CD109: variants seen among roughly 807,000 people sequenced by gnomAD.
CD109 encodes the protein CD109 molecule.
Under a neutral mutation model 165.8 loss-of-function variants are expected in CD109, and 149 were observed. The ratio of observed to expected loss-of-function variants is 0.90; its 90% CI spans 0.79 to 1.03. The LOEUF (loss-of-function observed/expected upper bound fraction) is 1.03. CD109 is among the 50% of genes least tolerant of loss of function. The probability of loss-of-function intolerance (pLI) is 0.00; values close to 1 mark genes in which losing one functional copy is unlikely to be tolerated. For missense variants in CD109, 1,712 were observed against 1,677.8 expected, an observed-to-expected ratio of 1.02 and a Z score of -0.36; for synonymous variants, 585 against 592.1, an observed-to-expected ratio of 0.99 and a Z score of 0.18.
chr6:73,737,602 TACTTATA>T (rs1258569223), intron 5 of CD109, among the ~76,000 whole-genome samples: 1 of 152,248 alleles, frequency 6.6e-6, no homozygotes, highest in African/African-American at 2.4e-5. Flanking sequence ...CTTATTTCCT[TACTTATA>T]ACAGTGTAAT....
chr6:73,744,449 T>C (rs946532767), intron 5 of CD109, among the ~76,000 whole-genome samples: 3 of 152,230 alleles, frequency 2.0e-5, no homozygotes, highest in Non-Finnish European at 4.4e-5. Context: ...AGAATATATA[T>C]GGTTGCTGTA....
At chr6:73,710,928 A>C (rs1434752446) in intron 2 of CD109, among the ~76,000 whole-genome samples, 1 of 152,210 alleles carries the variant, frequency 6.6e-6, no homozygotes. Flanking sequence ...GTACCAGCAG[A>C]ACTTTATTTA....
chr6:73,812,392 TAAGC>T, intron 29 of CD109, 122 bp downstream of exon 29: 1 of 638,718 alleles, frequency 1.6e-6, no homozygotes, highest in Non-Finnish European at 2.7e-6. Flanking sequence ...ATCTGTGACT[TAAGC>T]AAGATATATC....
At chr6:73,718,929 C>G (rs1771843412) in intron 2 of CD109, among the ~76,000 whole-genome samples, 1 of 152,108 alleles carries the variant, frequency 6.6e-6, no homozygotes, top group Non-Finnish European at 1.5e-5. Flanking sequence ...GTGACCAGTT[C>G]TGTCCAATAC....
chr6:73,736,249 C>A (rs1772539967), intron 4 of CD109, 134 bp from the exon 5 acceptor site: 6 of 820,898 alleles, frequency 7.3e-6, no homozygotes, highest in Non-Finnish European at 1.1e-5. Flanking sequence ...TGCCATCCAG[C>A]CATATTTGTG....
intron 2 of CD109, among the ~76,000 whole-genome samples, chr6:73,707,999 TATATA>T (rs1771360125): frequency 1.1e-5 from 1 of 89,088 alleles, no homozygotes; most frequent in Non-Finnish European, 2.6e-5. Flanking sequence ...TATATATATA[TATATA>T]TATATTTATT....
rs1582201322 is a variant in CD109, at chr6:73,812,359, G to T, written c.3768+89G>T. ...GGCTTTATTAAATCTTAGATAACTT[G>T]AATATAATTCCTAATGATTTACATC... On this transcript the variant is annotated intron_variant, in intron 29 of 32. Transcript: ENST00000287097. 6.3e-6 allele frequency: 5 copies of T among 798,934 alleles called. No individual in the cohort carries two copies. In the East Asian group the frequency reaches 1.1e-4, roughly 17 times the overall value. 49.5% of individuals were successfully genotyped at this position (798,934 alleles called of 1,614,324 possible).
rs1425992338 is a variant in CD109, at chr6:73,827,008, G to C, written c.*3375G>C. The C allele has an allele frequency of 1.3e-5, 2 of 151,916 alleles. No individual in the cohort carries two copies. The highest frequency in any genetic ancestry group is 4.8e-5 in the African/African-American group (2 of 41,356). 9.4% of individuals were successfully genotyped at this position (151,916 alleles called of 1,614,324 possible). A position where few individuals can be genotyped will look rare whatever the true frequency, so the allele number is the denominator to read the frequency against. ...ATGTCTGGCAGACTCAAGACATTAA[G>C]TAAAAAATTGGAACTATGATTTTTC... is the stretch of plus-strand genomic sequence containing the variant. On this transcript the variant is annotated 3_prime_UTR_variant, in exon 33 of 33. Transcript: ENST00000287097.
intron 2 of CD109, among the ~76,000 whole-genome samples, chr6:73,716,306 T>G (rs1173542604): frequency 6.6e-6 from 1 of 152,242 alleles, no homozygotes; most frequent in Non-Finnish European, 1.5e-5. Flanking sequence ...GCAGTGGGAT[T>G]GCTAGATTGT....
At chr6:73,728,170 A>G (rs1772209746) in intron 3 of CD109, among the ~76,000 whole-genome samples, 1 of 152,078 alleles carries the variant, frequency 6.6e-6, no homozygotes, top group South Asian at 2.1e-4. Context: ...AAAATACAAA[A>G]ATTAGCTAGG....
intron 3 of CD109, among the ~76,000 whole-genome samples, chr6:73,729,177 C>T (rs1005790237): frequency 2.6e-5 from 4 of 152,080 alleles, no homozygotes; most frequent in Non-Finnish European, 4.4e-5. Context: ...GTGATCCAAG[C>T]GAGAAAGAGA....
intron 22 of CD109, among the ~76,000 whole-genome samples, chr6:73,789,460 T>G (rs779887564): frequency 3.6e-5 from 2 of 55,586 alleles, no homozygotes; most frequent in African/African-American, 8.9e-5. Context: ...TGTCTGAGCA[T>G]TTTTTTTTTT....
rs779223934 is a variant in CD109, at chr6:73,823,595, T to C, written c.4300T>C (p.Cys1434Arg). The stretch of plus-strand genomic sequence containing the variant: ...TCACTCTTCAGTCATTTTTATTTTC[T>C]GTTTCAAGCTTCTGTACTTTATGGA... Reference protein sequence around the residue: ...HHHSSVIFIFCFKLLYFMELW... With the variant: ...HHHSSVIFIFRFKLLYFMELW... The change falls in exon 33 of 33, where the codon TGT becomes CGT. Residue 1434 changes from cysteine to arginine, a missense_variant. Physicochemically the swap from Cys to Arg is radical, Grantham distance 180 (BLOSUM62 -3). Transcript: ENST00000287097. 1.2e-6 allele frequency: 2 copies of C among 1,613,584 alleles called. No homozygotes were observed. The highest frequency in any genetic ancestry group is 3.3e-5 in the Admixed American group (2 of 60,020).
At chr6:73,715,897 C>G (rs946035417) in intron 2 of CD109, among the ~76,000 whole-genome samples, 1 of 152,180 alleles carries the variant, frequency 6.6e-6, no homozygotes, top group Non-Finnish European at 1.5e-5. Flanking sequence ...TGCCCATTAA[C>G]CATCCTCACT....
chr6:73,788,369 C>A, intron 21 of CD109, 99 bp from the exon 22 acceptor site: 1 of 1,013,374 alleles, frequency 9.9e-7, no homozygotes, highest in Non-Finnish European at 1.4e-6. Context: ...ACACAAACCT[C>A]AGACACAACA....
At position 73,792,694 on chromosome 6, in the gene CD109, C is replaced by A; in HGVS notation, c.2770C>A (p.Gln924Lys). The A allele has an allele frequency of 6.2e-7, 1 of 1,613,108 alleles. No homozygotes were observed. The highest frequency in any genetic ancestry group is 8.5e-7 in the Non-Finnish European group (1 of 1,179,818). Reference protein sequence around the residue: ...LIRMPYGCGEQNMINFAPNIY... With the variant: ...LIRMPYGCGEKNMINFAPNIY... ...TCGGATGCCTTATGGCTGTGGTGAACAGAACATGATAAATTTTGCTCCAAA... is the reference window on the plus strand; with the variant it reads ...TCGGATGCCTTATGGCTGTGGTGAAAAGAACATGATAAATTTTGCTCCAAA... The change falls in exon 23 of 33, where the codon CAG (glutamine) becomes AAG (lysine). Residue 924 changes from glutamine to lysine, a missense_variant. Transcript: ENST00000287097.
chr6:73,743,840 G>T (rs1772879813), intron 5 of CD109, among the ~76,000 whole-genome samples: 1 of 152,226 alleles, frequency 6.6e-6, no homozygotes, highest in Admixed American at 6.5e-5. Context: ...TAAGAAGAAT[G>T]CTTTGTTTGG....
intron 5 of CD109, among the ~76,000 whole-genome samples, chr6:73,755,098 C>G (rs777435236): frequency 6.6e-6 from 1 of 152,152 alleles, no homozygotes; most frequent in Non-Finnish European, 1.5e-5. Flanking sequence ...GACTAGCATT[C>G]TTATGTTCAT....
intron 2 of CD109, 127 bp from the exon 3 acceptor site, chr6:73,723,124 G>T: frequency 6.5e-7 from 1 of 1,549,898 alleles, no homozygotes; most frequent in Non-Finnish European, 8.6e-7. Context: ...TGTCATTTTG[G>T]TTTCACCAAA....
Sources: allele counts gnomAD v4.1 joint callset (sites outside exome capture counted in the v4.1 genomes callset), GRCh38; gene constraint gnomAD v4.1.1; transcripts MANE v1.5; gene names NCBI Gene and HGNC (gene_info 2026-07-23, HGNC 2026-07-21).